The following ZNF121 variants were observed in gnomAD, a reference collection of about 807,000 sequenced individuals.
ZNF121 encodes the protein zinc finger protein 121.
In ZNF121, 1 loss-of-function variant was observed where a neutral mutation model predicts 2.4. That is an observed-to-expected ratio of 0.41 (90% CI 0.15 to 1.94). The LOEUF (loss-of-function observed/expected upper bound fraction) is 1.94, where lower values mean the gene tolerates loss of function less well. ZNF121 is among the 30% of genes most tolerant of loss of function. ZNF121 has a pLI of 0.30. For synonymous variants in ZNF121, 173 were observed against 158.6 expected, an observed-to-expected ratio of 1.09 and a Z score of -0.68; for missense variants, 369 against 466.3, an observed-to-expected ratio of 0.79 and a Z score of 1.92.
rs1225494646 is a variant in ZNF121 at position 9,564,817 on chromosome 19, A to G, written c.*1123T>C. The G allele has an allele frequency of 6.6e-6, 1 of 152,324 alleles. No homozygotes were observed. Among genetic ancestry groups the G allele is most frequent in the Non-Finnish European group, 1.5e-5 (1 of 68,048 alleles). The allele number at this position is 152,324 out of a possible 1,614,324, so 9.4% of individuals were successfully genotyped here. On this transcript the variant is annotated 3_prime_UTR_variant, in exon 4 of 4. Transcript: ENST00000320451. ...GTCGAATGCTAAAGAGAAGTTTTTC[A>G]TGTAATGAAGAGTCAATCAATGCAG...
Position 9,566,906 on chromosome 19 carries a change from T to G in ZNF121, c.207A>C (p.Lys69Asn), listed in dbSNP as rs1278327658. The stretch of plus-strand genomic sequence containing the variant: ...GAACATTTGGTGGCAGGCTGAAGGC[T>G]TTTCTGCACTGATTCAACACAGAAA... ...ETLSVLNQCR[K>N]AFSLPPNVHQ... Residue 69 changes from lysine to asparagine, a missense_variant, in exon 4 of 4, where the codon AAA becomes AAC. By Grantham distance (94) the Lys-to-Asn change is moderately conservative. Transcript: ENST00000320451. 1.6e-5 allele frequency: 26 copies of G among 1,614,200 alleles called. No individual in the cohort carries two copies. The highest frequency in any genetic ancestry group is 2.2e-5 in the Non-Finnish European group (26 of 1,180,022).
At chr19:9,584,308 C>A (rs574858344) in intron 1 of ZNF121, 153 bp downstream of exon 1, 3 of 152,332 alleles carry the variant, frequency 2.0e-5, no homozygotes, top group East Asian at 1.9e-4. Context: ...ACTGAGCCTG[C>A]GGCCTCTAGC....
chr19:9,567,022 C>T lies in ZNF121; in HGVS notation c.91G>A (p.Gly31Arg). The T allele has an allele frequency of 6.2e-7, 1 of 1,614,088 alleles. No individual in the cohort carries two copies. Among genetic ancestry groups the T allele is most frequent in the Non-Finnish European group, 8.5e-7 (1 of 1,180,020 alleles). ...TAAGTGTCCCCTGTATTTTCAGTTC[C>T]CATGTGTGCATTAAGGCATGAGTGT... Reference protein sequence around the residue: ...SEHSCLNAHMGTENTGDTYDC... With the variant: ...SEHSCLNAHMRTENTGDTYDC... Residue 31 changes from glycine (G) to arginine (R), a missense_variant, in exon 4 of 4, where the codon GGA (glycine) becomes AGA (arginine). Physicochemically the swap from Gly to Arg is moderately radical, Grantham distance 125. Around this residue, in one of 4 missense-constraint regions of ZNF121, gnomAD observed 168 missense variants for 162.3 expected, o/e 1.03. Coordinates refer to ENST00000320451, the MANE Select transcript of ZNF121 (RefSeq NM_001008727.5).
chr19:9,582,878 T>C (rs1708226357), intron 1 of ZNF121, among the ~76,000 whole-genome samples: 1 of 151,986 alleles, frequency 6.6e-6, no homozygotes, highest in African/African-American at 2.4e-5. Flanking sequence ...ATTCAATAGA[T>C]ACTACTTTAT....
chr19:9,574,586 C>T (rs1321668399), intron 1 of ZNF121, among the ~76,000 whole-genome samples: 1 of 152,180 alleles, frequency 6.6e-6, no homozygotes, highest in African/African-American at 2.4e-5. Flanking sequence ...TGTCCAGTTT[C>T]CACTGGCTGG....
At chr19:9,573,423 T>C (rs2074187954) in intron 1 of ZNF121, among the ~76,000 whole-genome samples, 1 of 152,166 alleles carries the variant, frequency 6.6e-6, no homozygotes, top group Admixed American at 6.5e-5. Context: ...AAAGATTCAC[T>C]GAGCTTGAAG....
At position 9,566,728 on chromosome 19, in the gene ZNF121, T is replaced by TG. The variant is rs766773945; in HGVS notation, c.384dup (p.Thr129HisfsTer8). 3.1e-6 allele frequency: 5 copies of TG among 1,614,096 alleles called. No individual in the cohort carries two copies. Among genetic ancestry groups the TG allele is most frequent in the Non-Finnish European group, 3.4e-6 (4 of 1,180,050 alleles). On this transcript the variant is annotated frameshift_variant, in exon 4 of 4. Coordinates refer to ENST00000320451, the MANE Select transcript of ZNF121 (RefSeq NM_001008727.5). LOFTEE classifies it low-confidence loss of function (END_TRUNC). ...ATTTTAACAGACACAGCATGGCTTG[T>TG]GGAGTAAGTAAAAGCTCTCCCACAT...
chr19:9,561,370 AAGG>A lies in ZNF121; in HGVS notation c.*4567_*4569del, dbSNP rs2074099662. 2 of 152,220 alleles carry A rather than the reference AAGG, an allele frequency of 1.3e-5. No individual in the cohort carries two copies. The highest frequency in any genetic ancestry group is 4.1e-4 in the South Asian group (2 of 4,838). 9.4% of individuals were successfully genotyped at this position (152,220 alleles called of 1,614,324 possible). ...GAAAATAATTATATACCCATGAAATAAGGAGAATACATTTTTAAAGATTCAGAA... is the reference window on the plus strand; with the variant it reads ...GAAAATAATTATATACCCATGAAATAAGAATACATTTTTAAAGATTCAGAA... On this transcript the variant is annotated 3_prime_UTR_variant, in exon 4 of 4. Transcript: ENST00000320451.
At chr19:9,572,672 T>C (rs1474709426) in intron 1 of ZNF121, among the ~76,000 whole-genome samples, 13 of 152,210 alleles carry the variant, frequency 8.5e-5, no homozygotes, top group Admixed American at 8.5e-4. Context: ...TCATTCTGAA[T>C]GGGCAGTATT....
At chr19:9,580,676 T>C (rs543072560) in intron 1 of ZNF121, among the ~76,000 whole-genome samples, 4 of 152,352 alleles carry the variant, frequency 2.6e-5, no homozygotes, top group South Asian at 2.1e-4. Flanking sequence ...CAGGCTGCAC[T>C]GCAGGCTTCC....
chr19:9,567,828 G>A (rs561512735), intron 3 of ZNF121: 8 of 341,952 alleles, frequency 2.3e-5, no homozygotes, highest in East Asian at 9.2e-5. Context: ...GCTACTGACA[G>A]GTGGAGTATA....
rs537122275 is a variant in ZNF121 at position 9,563,204 on chromosome 19, T to G, written c.*2736A>C. The G allele has an allele frequency of 1.3e-5, 2 of 152,114 alleles. No homozygotes were observed. The highest frequency in any genetic ancestry group is 4.2e-4 in the South Asian group (2 of 4,812). The allele number at this position is 152,114 out of a possible 1,614,324, so 9.4% of individuals were successfully genotyped here. A position where few individuals can be genotyped will look rare whatever the true frequency, so the allele number is the denominator to read the frequency against. The stretch of plus-strand genomic sequence containing the variant: ...TAAGAAAGGAAAACAGCCTCACCAC[T>G]AACACGGAATAAGTTTTAGTGGTCT... On this transcript the variant is annotated 3_prime_UTR_variant, in exon 4 of 4. Coordinates refer to ENST00000320451, the MANE Select transcript of ZNF121 (RefSeq NM_001008727.5).
chr19:9,579,154 T>C (rs2074231998), intron 1 of ZNF121, among the ~76,000 whole-genome samples: 1 of 152,128 alleles, frequency 6.6e-6, no homozygotes, highest in African/African-American at 2.4e-5. Context: ...TCTCACCTCA[T>C]AGGGTGGCTT....
intron 1 of ZNF121, among the ~76,000 whole-genome samples, chr19:9,581,349 T>C (rs1298279113): frequency 6.6e-6 from 1 of 151,336 alleles, no homozygotes; most frequent in Non-Finnish European, 1.5e-5. Context: ...TCGTACAATC[T>C]AAACTAATCC....
At chr19:9,574,332 T>C (rs1372843316) in intron 1 of ZNF121, among the ~76,000 whole-genome samples, 1 of 152,066 alleles carries the variant, frequency 6.6e-6, no homozygotes, top group Non-Finnish European at 1.5e-5. Context: ...TTTTTTGTTT[T>C]TTTAGTAGAG....
chr19:9,577,138 C>G (rs772984969), intron 1 of ZNF121, among the ~76,000 whole-genome samples: 3 of 152,168 alleles, frequency 2.0e-5, no homozygotes, highest in Non-Finnish European at 4.4e-5. Context: ...GAGAAGAGCA[C>G]AACAGCAACA....
chr19:9,579,222 T>C (rs1042278299), intron 1 of ZNF121, among the ~76,000 whole-genome samples: 1 of 152,224 alleles, frequency 6.6e-6, no homozygotes, highest in Non-Finnish European at 1.5e-5. Flanking sequence ...AATCCTTGTA[T>C]GCAGTTGATG....
intron 1 of ZNF121, among the ~76,000 whole-genome samples, chr19:9,576,715 C>T (rs2074212487): frequency 6.6e-6 from 1 of 151,760 alleles, no homozygotes; most frequent in Non-Finnish European, 1.5e-5. Flanking sequence ...ACAAAATCAA[C>T]CAACCTTTGG....
chr19:9,580,018 G>A (rs34164697), intron 1 of ZNF121, among the ~76,000 whole-genome samples: 50,909 of 151,922 alleles, frequency 0.34, 9,469 homozygotes, highest in East Asian at 0.54. Context: ...TCAGCCAGGC[G>A]CGGGTGGCTC....
Sources: gnomAD v4.1 joint callset for allele counts (sites outside exome capture counted in the v4.1 genomes callset) on GRCh38, gnomAD v4.1.1 for gene constraint, gnomAD v4.1.1 regional missense constraint, MANE v1.5 for transcripts, NCBI Gene and HGNC (gene_info 2026-07-23, HGNC 2026-07-21) for gene names.